The following RBM27 variants were observed in gnomAD, a reference collection of about 807,000 sequenced individuals.
The protein encoded by RBM27 is RNA binding motif protein 27, also known as RNA-binding protein 27.
A neutral mutation model predicts 135.3 loss-of-function variants in RBM27; 22 were observed. That is an observed-to-expected ratio of 0.16 (90% CI 0.12 to 0.23). The LOEUF (loss-of-function observed/expected upper bound fraction) is 0.23, where lower values mean the gene tolerates loss of function less well. Among genes scored for constraint, RBM27 ranks in the 10% least tolerant of loss-of-function variants. The pLI is 1.00. For missense variants in RBM27, 1,009 were observed against 1,281.0 expected, an observed-to-expected ratio of 0.79 and a Z score of 3.24; for synonymous variants, 481 against 442.4, an observed-to-expected ratio of 1.09 and a Z score of -1.10.
chr5:146,286,320 G>T lies in RBM27; in HGVS notation c.*290G>T. On this transcript the variant is annotated 3_prime_UTR_variant, in exon 21 of 21. Coordinates refer to ENST00000265271, the MANE Select transcript of RBM27 (RefSeq NM_018989.2). The stretch of plus-strand genomic sequence containing the variant: ...CCTTTTTTTTGTTGCTGTTGGTGTT[G>T]GATTATGATGTAAATGACAGGGTGT... The T allele has an allele frequency of 4.7e-6, 1 of 213,136 alleles. No individual in the cohort carries two copies. Among genetic ancestry groups the T allele is most frequent in the Admixed American group, 5.8e-5 (1 of 17,194 alleles). 13.2% of individuals were successfully genotyped at this position (213,136 alleles called of 1,614,324 possible).
intron 3 of RBM27, among the ~76,000 whole-genome samples, chr5:146,228,441 G>A (rs969946937): frequency 2.0e-5 from 3 of 151,402 alleles, no homozygotes; most frequent in East Asian, 3.9e-4. Context: ...GCCACCACAC[G>A]TGGCTAATTT....
At position 146,258,432 on chromosome 5, in the gene RBM27, A is replaced by T. The variant is rs781562962; in HGVS notation, c.1595-17A>T. The T allele has an allele frequency of 9.9e-6, 15 of 1,511,162 alleles. No homozygotes were observed. Among genetic ancestry groups the T allele is most frequent in the South Asian group, 5.3e-5 (4 of 75,198 alleles). 93.6% of individuals were successfully genotyped at this position (1,511,162 alleles called of 1,614,324 possible). ...ACTCCTGAAAAACTCAGTAATTTCA[A>T]TTTTTTTTTCCAACAGCTGCTAACA... On this transcript the variant is annotated splice_polypyrimidine_tract_variant and intron_variant, in intron 10 of 20. Transcript: ENST00000265271.
At chr5:146,246,176 G>A (rs1757616149) in intron 8 of RBM27, among the ~76,000 whole-genome samples, 1 of 152,156 alleles carries the variant, frequency 6.6e-6, no homozygotes, top group Non-Finnish European at 1.5e-5. Context: ...AATATGGCCA[G>A]TATTGGGAAG....
chr5:146,240,715 T>G lies in RBM27; in HGVS notation c.1279+3283T>G, dbSNP rs138961187. Among the ~76,000 whole-genome samples the G allele has an allele frequency of 2.4e-3, 360 of 152,316 alleles. 1 individual carries two copies. The highest frequency in any genetic ancestry group is 8.1e-3 in the African/African-American group (337 of 41,558). On this transcript the variant is annotated intron_variant, in intron 8 of 20. Transcript: ENST00000265271. Reference sequence around the variant, plus strand: ...TATATAGGCCTACTGTTTGATTTTTTTTAATATATGTAAATCTTACATTCA... The same window carrying G: ...TATATAGGCCTACTGTTTGATTTTTGTTAATATATGTAAATCTTACATTCA...
intron 2 of RBM27, 121 bp from the exon 3 acceptor site, chr5:146,223,282 T>C (rs956097589): frequency 2.7e-6 from 2 of 727,732 alleles, no homozygotes; most frequent in African/African-American, 3.7e-5. Context: ...AAGGTAGGAC[T>C]CATTTTTAGT....
At chr5:146,204,284 T>G (rs1380545311) in intron 1 of RBM27, among the ~76,000 whole-genome samples, 1 of 152,138 alleles carries the variant, frequency 6.6e-6, no homozygotes, top group African/African-American at 2.4e-5. Flanking sequence ...GAGGGCATTT[T>G]CGAAATATGA....
intron 4 of RBM27, among the ~76,000 whole-genome samples, chr5:146,229,504 C>CT (rs901449029): frequency 2.8e-4 from 42 of 149,638 alleles, no homozygotes; most frequent in Admixed American, 1.9e-3. Flanking sequence ...GGATTCACCT[C>CT]TTTTTTTCAT....
rs527978021 is a variant in RBM27, at chr5:146,275,788, C to T, written c.2988+4114C>T. Among the ~76,000 whole-genome samples, 3 of 152,272 alleles carry T rather than the reference C, an allele frequency of 2.0e-5. No individual in the cohort carries two copies. In the South Asian group the frequency reaches 6.2e-4, roughly 32 times the overall value. On this transcript the variant is annotated intron_variant, in intron 19 of 20. Transcript: ENST00000265271. ...TGAAGGGAGGTTCGGCTAGATACAA[C>T]AGGAAAAGTTATTTTCTCTAAATAT...
rs754239790 is a variant in RBM27, at chr5:146,269,410, T to TA, written c.2527-9dup. On this transcript the variant is annotated splice_polypyrimidine_tract_variant and intron_variant, in intron 16 of 20. Coordinates refer to ENST00000265271, the MANE Select transcript of RBM27 (RefSeq NM_018989.2). ...AAGCATGGTTTTACCTTTTTCTATT[T>TA]ATTTCGTAGATGTTAATATCCAAGT... 3 of 1,539,148 alleles carry TA rather than the reference T, an allele frequency of 1.9e-6. No homozygotes were observed. The highest frequency in any genetic ancestry group is 2.6e-6 in the Non-Finnish European group (3 of 1,143,512).
At chr5:146,213,446 G>T (rs1358900768) in intron 1 of RBM27, among the ~76,000 whole-genome samples, 3 of 151,926 alleles carry the variant, frequency 2.0e-5, no homozygotes, top group Non-Finnish European at 4.4e-5. Flanking sequence ...GAGATCAGGA[G>T]ATTTTTTTTT....
intron 19 of RBM27, among the ~76,000 whole-genome samples, chr5:146,275,653 AG>A (rs1278777963): frequency 6.6e-6 from 1 of 152,192 alleles, no homozygotes; most frequent in Non-Finnish European, 1.5e-5. Flanking sequence ...ATCTTAATGA[AG>A]TTAATGTTAA....
chr5:146,216,343 G>A (rs1255900684), intron 1 of RBM27, among the ~76,000 whole-genome samples: 1 of 152,126 alleles, frequency 6.6e-6, no homozygotes, highest in African/African-American at 2.4e-5. Flanking sequence ...TTTGAAGATA[G>A]AAAGGCTACA....
chr5:146,261,368 C>CTCTA lies in RBM27; in HGVS notation c.1894-138_1894-135dup, dbSNP rs1001636230. The CTCTA allele has an allele frequency of 3.8e-5, 27 of 719,470 alleles. No homozygotes were observed. The African/African-American group carries it at 4.8e-4, about 13-fold the overall frequency. The allele number at this position is 719,470 out of a possible 1,614,324, so 44.6% of individuals were successfully genotyped here. ...TTTAACCTTAATTACATCCTAAAAG[C>CTCTA]TCTATCTCTAAAACAGTAATGTTGG... On this transcript the variant is annotated intron_variant, in intron 12 of 20. Transcript: ENST00000265271.
intron 1 of RBM27, among the ~76,000 whole-genome samples, chr5:146,209,332 A>G (rs528153210): frequency 2.0e-5 from 3 of 152,322 alleles, no homozygotes; most frequent in South Asian, 2.1e-4. Flanking sequence ...TGCAGGTCCT[A>G]TAGGTAGGAA....
chr5:146,272,528 C>T (rs1334059020), intron 19 of RBM27, among the ~76,000 whole-genome samples: 1 of 152,050 alleles, frequency 6.6e-6, no homozygotes, highest in Non-Finnish European at 1.5e-5. Context: ...TTGAGACCAG[C>T]CTGGCCAACA....
At chr5:146,252,513 T>C (rs1757936315) in intron 9 of RBM27, among the ~76,000 whole-genome samples, 1 of 152,258 alleles carries the variant, frequency 6.6e-6, no homozygotes, top group African/African-American at 2.4e-5. Context: ...CATTTGATTA[T>C]GTAACTTCTT....
chr5:146,238,479 G>A (rs1427887393), intron 8 of RBM27, among the ~76,000 whole-genome samples: 4 of 152,176 alleles, frequency 2.6e-5, no homozygotes, highest in African/African-American at 9.7e-5. Context: ...CTGCACTCCC[G>A]CCTGGGTGAC....
At position 146,279,574 on chromosome 5, in the gene RBM27, G is replaced by T. The variant is rs546238054; in HGVS notation, c.2989-5048G>T. ...TATAATCACAGCACTTTGGGAGGCC[G>T]AGGCGGGTGGATCACCTGACCTCAG... On this transcript the variant is annotated intron_variant, in intron 19 of 20. Coordinates refer to ENST00000265271, the MANE Select transcript of RBM27 (RefSeq NM_018989.2). Among the ~76,000 whole-genome samples, 83 of 152,128 alleles carry T rather than the reference G, an allele frequency of 5.5e-4. 2 individuals carry two copies. Among genetic ancestry groups the T allele is most frequent in the Admixed American group, 5.4e-3 (83 of 15,276 alleles).
chr5:146,220,788 T>G (rs1756427643), intron 2 of RBM27, among the ~76,000 whole-genome samples: 1 of 152,184 alleles, frequency 6.6e-6, no homozygotes, highest in Non-Finnish European at 1.5e-5. Flanking sequence ...CTAAATGTGT[T>G]AATTTACATT....
Sources: allele counts gnomAD v4.1 joint callset (sites outside exome capture counted in the v4.1 genomes callset), GRCh38; gene constraint gnomAD v4.1.1; transcripts MANE v1.5; gene names NCBI Gene and HGNC (gene_info 2026-07-23, HGNC 2026-07-21).